FRMD4B: variants seen among roughly 807,000 people sequenced by gnomAD.
FRMD4B encodes the protein FERM domain containing 4B, also known as FERM domain-containing protein 4B.
FRMD4B carries 74 observed loss-of-function variants against 141.5 expected under a neutral mutation model. That is an observed-to-expected ratio of 0.52 (90% CI 0.43 to 0.63). The LOEUF (loss-of-function observed/expected upper bound fraction) is 0.63, where lower values mean the gene tolerates loss of function less well. Ranked by LOEUF, FRMD4B falls within the 30% of genes least tolerant of loss-of-function variation. The pLI, the probability that FRMD4B is intolerant of heterozygous loss-of-function variation, is 0.00. For missense variants in FRMD4B, 1,366 were observed against 1,253.4 expected, an observed-to-expected ratio of 1.09 and a Z score of -1.36; for synonymous variants, 506 against 467.9, an observed-to-expected ratio of 1.08 and a Z score of -1.05.
intron 1 of FRMD4B, chr3:69,472,456 C>G (rs1705908276): frequency 2.3e-6 from 1 of 440,140 alleles, no homozygotes; most frequent in Admixed American, 2.5e-5. Flanking sequence ...AACGGAAGAC[C>G]AGCCAGTACA....
In FRMD4B at chr3:69,325,887, C is replaced by T. The variant is rs554441034; in HGVS notation, c.163-12370G>A. ...GAAATAATGTCTAAGCTATTGAGTA[C>T]TATCCTGTTCTCCAGAAATGGTTAT... On this transcript the variant is annotated intron_variant, in intron 1 of 22. Coordinates refer to ENST00000398540, the MANE Select transcript of FRMD4B (RefSeq NM_015123.3). 1.1e-4 allele frequency among the ~76,000 whole-genome samples: 16 copies of T among 152,264 alleles called. No individual in the cohort carries two copies. In the South Asian group the frequency reaches 3.3e-3, roughly 32 times the overall value.
chr3:69,469,919 C>G (rs1220187281), intron 1 of FRMD4B, among the ~76,000 whole-genome samples: 1 of 152,146 alleles, frequency 6.6e-6, no homozygotes, highest in Non-Finnish European at 1.5e-5. Context: ...TATAATTTCA[C>G]CAAATTGCTG....
chr3:69,397,429 T>C (rs1374439571), intron 2 of FRMD4B, among the ~76,000 whole-genome samples: 2 of 152,184 alleles, frequency 1.3e-5, no homozygotes, highest in Non-Finnish European at 2.9e-5. Flanking sequence ...TTTGTGATTA[T>C]ACTAAAAACC....
intron 5 of FRMD4B, among the ~76,000 whole-genome samples, chr3:69,275,903 T>C (rs1398042783): frequency 6.6e-6 from 1 of 152,182 alleles, no homozygotes; most frequent in African/African-American, 2.4e-5. Flanking sequence ...TAAATATTTA[T>C]ACTATGCTAT....
chr3:69,327,991 T>G (rs1024767732), intron 1 of FRMD4B, among the ~76,000 whole-genome samples: 4 of 151,946 alleles, frequency 2.6e-5, no homozygotes, highest in Non-Finnish European at 4.4e-5. Context: ...ACAACAAAAC[T>G]GGAAGCCACA....
At chr3:69,418,420 T>C (rs1704910240) in intron 2 of FRMD4B, among the ~76,000 whole-genome samples, 1 of 152,178 alleles carries the variant, frequency 6.6e-6, no homozygotes, top group South Asian at 2.1e-4. Flanking sequence ...GGCTTGTATC[T>C]GCTTCTAGCC....
At chr3:69,330,887 T>G (rs1702347912) in intron 1 of FRMD4B, among the ~76,000 whole-genome samples, 1 of 152,194 alleles carries the variant, frequency 6.6e-6, no homozygotes, top group Non-Finnish European at 1.5e-5. Flanking sequence ...TGCCATGACC[T>G]TAAAGCACCG....
intron 1 of FRMD4B, among the ~76,000 whole-genome samples, chr3:69,322,553 A>T (rs1702033478): frequency 6.6e-6 from 1 of 150,682 alleles, no homozygotes; most frequent in Non-Finnish European, 1.5e-5. Flanking sequence ...GTTGCTAACA[A>T]CCCTACCAGG....
chr3:69,218,188 T>C (rs2093159519), intron 10 of FRMD4B, 134 bp downstream of exon 10: 1 of 596,178 alleles, frequency 1.7e-6, no homozygotes, highest in Non-Finnish European at 3.0e-6. Flanking sequence ...AGCAAGTATT[T>C]TGCAAAAATA....
intron 1 of FRMD4B, among the ~76,000 whole-genome samples, chr3:69,329,179 A>G (rs1301506740): frequency 6.6e-6 from 1 of 151,698 alleles, no homozygotes; most frequent in African/African-American, 2.4e-5. Context: ...GAACAAACAG[A>G]GGCTTCAGGT....
chr3:69,279,661 T>G, intron 5 of FRMD4B, among the ~76,000 whole-genome samples: 1 of 103,292 alleles, frequency 9.7e-6, no homozygotes, highest in Admixed American at 1.3e-4. Context: ...GCTATCCTCC[T>G]CCTCCTTCTC....
chr3:69,319,085 G>A (rs1168539525), intron 1 of FRMD4B, among the ~76,000 whole-genome samples: 1 of 152,152 alleles, frequency 6.6e-6, no homozygotes. Flanking sequence ...ACTCATTAAT[G>A]TATAGAATTT....
intron 9 of FRMD4B, among the ~76,000 whole-genome samples, chr3:69,218,933 C>A (rs189687752): frequency 4.6e-5 from 7 of 152,074 alleles, no homozygotes; most frequent in African/African-American, 1.7e-4. Flanking sequence ...GAGGCCGAGG[C>A]GGGTGAATCA....
At chr3:69,295,741 A>C (rs187490228) in intron 4 of FRMD4B, among the ~76,000 whole-genome samples, 1 of 152,322 alleles carries the variant, frequency 6.6e-6, no homozygotes, top group East Asian at 1.9e-4. Flanking sequence ...TGCTGCAGTG[A>C]AACCTTGCAC....
chr3:69,177,437 C>G (rs1258751689), intron 21 of FRMD4B, among the ~76,000 whole-genome samples: 1 of 152,036 alleles, frequency 6.6e-6, no homozygotes, highest in Non-Finnish European at 1.5e-5. Context: ...AACGCTTGAG[C>G]CCAGGAGTTC....
At chr3:69,481,905 A>G (rs1408846989) in intron 1 of FRMD4B, among the ~76,000 whole-genome samples, 2 of 152,234 alleles carry the variant, frequency 1.3e-5, no homozygotes, top group African/African-American at 4.8e-5. Context: ...AAGGTTTAAC[A>G]GAGCCATTCT....
chr3:69,431,637 C>T (rs58006784), intron 2 of FRMD4B, among the ~76,000 whole-genome samples: 43,945 of 152,024 alleles, frequency 0.29, 6,604 homozygotes, highest in East Asian at 0.56. Flanking sequence ...TAATATCACC[C>T]GCATTTTACA....
intron 1 of FRMD4B, among the ~76,000 whole-genome samples, chr3:69,448,713 G>A (rs1266857462): frequency 6.6e-6 from 1 of 152,140 alleles, no homozygotes; most frequent in Non-Finnish European, 1.5e-5. Context: ...ATAATTTTGT[G>A]TCTCGTGCAA....
chr3:69,350,297 T>G (rs1270204564), intron 1 of FRMD4B, among the ~76,000 whole-genome samples: 1 of 152,128 alleles, frequency 6.6e-6, no homozygotes, highest in East Asian at 1.9e-4. Context: ...CCAGTTAGAA[T>G]GGCGATCATT....
Sources: allele counts gnomAD v4.1 joint callset (sites outside exome capture counted in the v4.1 genomes callset), GRCh38; gene constraint gnomAD v4.1.1; transcripts MANE v1.5; gene names NCBI Gene and HGNC (gene_info 2026-07-23, HGNC 2026-07-21).